Variants in DNMBP observed in about 807,000 individuals in gnomAD.
DNMBP encodes dynamin binding protein, also known as dynamin-binding protein.
DNMBP carries 87 observed loss-of-function variants against 150.0 expected under a neutral mutation model. The observed-to-expected ratio is 0.58, with a 90% CI of 0.49 to 0.69. DNMBP has a LOEUF of 0.69. Ranked by LOEUF, DNMBP falls within the 30% of genes least tolerant of loss-of-function variation. The pLI, the probability that DNMBP is intolerant of heterozygous loss-of-function variation, is 0.00. For missense variants in DNMBP, 1,774 were observed against 1,949.0 expected (o/e 0.91, Z 1.69); for synonymous variants, 711 against 750.4 (o/e 0.95, Z 0.86).
intron 11 of DNMBP, among the ~76,000 whole-genome samples, chr10:99,892,244 C>G (rs1441136767): frequency 4.9e-4 from 73 of 150,050 alleles, no homozygotes; most frequent in African/African-American, 1.7e-3. Flanking sequence ...GCCACCACCC[C>G]GTCTGGGAGG....
intron 4 of DNMBP, among the ~76,000 whole-genome samples, chr10:99,932,354 C>G (rs1223153868): frequency 6.6e-6 from 1 of 152,130 alleles, no homozygotes; most frequent in Non-Finnish European, 1.5e-5. Flanking sequence ...CGGATTCCCC[C>G]AGCATGTTTC....
At chr10:99,914,212 C>G (rs1292930217) in intron 4 of DNMBP, 15 of 884,160 alleles carry the variant, frequency 1.7e-5, no homozygotes, top group Non-Finnish European at 2.1e-5. Flanking sequence ...CCAGCAGTAC[C>G]TGGATCAACA....
In DNMBP at chr10:99,957,020, C is replaced by T; in HGVS notation, c.454G>A (p.Ala152Thr). The change falls in exon 4 of 17, where the codon GCC becomes ACC. Residue 152 changes from alanine (A) to threonine (T), a missense_variant. By Grantham distance (58) the Ala-to-Thr change is moderately conservative. Around this residue, in one of 2 missense-constraint regions of DNMBP, gnomAD observed 344 missense variants for 456.6 expected, o/e 0.75. Coordinates refer to ENST00000324109, the MANE Select transcript of DNMBP (RefSeq NM_015221.4). ...AGCTGAGCAGAAAGCCCCATTAGGG[C>T]CCGGGCTTGTCCCATGGAATATTCC... ...IPEYSMGQARALMGLSAQLDE... is the reference protein window; with the variant it reads ...IPEYSMGQARTLMGLSAQLDE... 6.2e-7 allele frequency: 1 copy of T among 1,614,212 alleles called. No homozygotes were observed. Among genetic ancestry groups the T allele is most frequent in the African/African-American group, 1.3e-5 (1 of 75,052 alleles).
chr10:99,948,993 T>TAAA (rs2040390677), intron 4 of DNMBP, among the ~76,000 whole-genome samples: 2 of 150,684 alleles, frequency 1.3e-5, no homozygotes, highest in Admixed American at 1.3e-4. Context: ...AATAAATAAA[T>TAAA]AAATAAATAA....
At chr10:99,986,950 C>G (rs2040834191) in intron 1 of DNMBP, among the ~76,000 whole-genome samples, 3 of 149,806 alleles carry the variant, frequency 2.0e-5, no homozygotes, top group Admixed American at 6.7e-5. Context: ...GTCAGGAGAT[C>G]GAGACCATCC....
At position 99,975,359 on chromosome 10, in the gene DNMBP, CAA is replaced by C. The variant is rs5787365; in HGVS notation, c.-10-3227_-10-3226del. Among the ~76,000 whole-genome samples, 939 of 139,534 alleles carry C rather than the reference CAA, an allele frequency of 6.7e-3. 11 individuals carry two copies. Among genetic ancestry groups the C allele is most frequent in the African/African-American group, 0.021 (826 of 38,706 alleles). The allele number at this position is 139,534 out of a possible 152,430, so 91.5% of individuals were successfully genotyped here. A position where few individuals can be genotyped will look rare whatever the true frequency, so the allele number is the denominator to read the frequency against. On this transcript the variant is annotated intron_variant, in intron 1 of 16. Coordinates refer to ENST00000324109, the MANE Select transcript of DNMBP (RefSeq NM_015221.4). ...GGGCAACAAGAGCAAAACTATGTCT[CAA>C]AAAAAAAAAAAATTATATCCAAGAA...
intron 3 of DNMBP, among the ~76,000 whole-genome samples, chr10:99,960,548 G>A (rs180695097): frequency 6.6e-6 from 1 of 152,296 alleles, no homozygotes; most frequent in African/African-American, 2.4e-5. Flanking sequence ...GCTCACGCCT[G>A]TAATCCCAGC....
chr10:99,899,797 G>GAT, intron 7 of DNMBP, 122 bp downstream of exon 7: 8 of 1,112,158 alleles, frequency 7.2e-6, no homozygotes, highest in Non-Finnish European at 8.2e-6. Flanking sequence ...CCACTTAAAT[G>GAT]ATATATATCA....
chr10:99,939,293 C>T (rs1477074417), intron 4 of DNMBP, among the ~76,000 whole-genome samples: 2 of 152,180 alleles, frequency 1.3e-5, no homozygotes, highest in African/African-American at 4.8e-5. Flanking sequence ...TTGCAAATAT[C>T]TCTCTTGGCT....
Position 99,955,574 on chromosome 10 carries a change from C to T in DNMBP, c.1900G>A (p.Ala634Thr). ...GAGGGTCGCACCACCAAGGGTGGTGCAGGTTTTAGGTTCTGGTCAACCAGC... is the reference window on the plus strand; with the variant it reads ...GAGGGTCGCACCACCAAGGGTGGTGTAGGTTTTAGGTTCTGGTCAACCAGC... ...HLLVDQNLKP[A>T]PPLVVRPSRP... The change falls in exon 4 of 17, where the codon GCA becomes ACA. Residue 634 changes from alanine (A) to threonine (T), a missense_variant. Ala to Thr is a moderately conservative substitution (Grantham distance 58). Around this residue, in one of 2 missense-constraint regions of DNMBP, gnomAD observed 1,430 missense variants for 1,492.5 expected, o/e 0.96. Transcript: ENST00000324109. The T allele has an allele frequency of 6.2e-7, 1 of 1,610,518 alleles. No individual in the cohort carries two copies.
chr10:99,991,629 G>A (rs565880423), intron 1 of DNMBP, among the ~76,000 whole-genome samples: 1 of 151,106 alleles, frequency 6.6e-6, no homozygotes, highest in African/African-American at 2.4e-5. Flanking sequence ...AAAACATTGT[G>A]CTAAGAAGCC....
chr10:100,001,199 C>A (rs1184872606), intron 1 of DNMBP, among the ~76,000 whole-genome samples: 2 of 124,594 alleles, frequency 1.6e-5, no homozygotes, highest in African/African-American at 3.0e-5. Context: ...CCACTGCACT[C>A]CAGCCTGGAG....
Position 99,884,014 on chromosome 10 carries a change from C to T in DNMBP, c.3994G>A (p.Gly1332Arg). 1 of 1,613,788 alleles carries T rather than the reference C, an allele frequency of 6.2e-7. No homozygotes were observed. The highest frequency in any genetic ancestry group is 8.5e-7 in the Non-Finnish European group (1 of 1,179,908). ...GSQNRWLIDN[G>R]VTKGFVYSSF... is the part of the protein sequence containing the mutation. ...CTCTGCTGCTTAAAATTCTTACCTC[C>T]ATTGTCAATCAGCCAGCGGTTCTGG... Residue 1332 changes from glycine to arginine, a missense_variant, in exon 15 of 17, where the codon GGA (glycine) becomes AGA (arginine). This residue lies in a region of DNMBP where 1,430 missense variants were observed against 1,492.5 expected (regional missense o/e 0.96). Coordinates refer to ENST00000324109, the MANE Select transcript of DNMBP (RefSeq NM_015221.4).
At chr10:99,946,586 C>G (rs2133313871) in intron 4 of DNMBP, among the ~76,000 whole-genome samples, 1 of 152,298 alleles carries the variant, frequency 6.6e-6, no homozygotes, top group East Asian at 1.9e-4. Context: ...ACTTCCATCT[C>G]TCACCATATA....
At chr10:99,929,461 C>T in intron 4 of DNMBP, 1 of 584,946 alleles carries the variant, frequency 1.7e-6, no homozygotes, top group African/African-American at 1.9e-5. Context: ...GTAATTAAAT[C>T]TCTAAGGTTG....
intron 4 of DNMBP, among the ~76,000 whole-genome samples, chr10:99,948,896 G>C (rs545529408): frequency 5.9e-5 from 9 of 151,942 alleles, no homozygotes; most frequent in African/African-American, 2.2e-4. Flanking sequence ...CCGGGAGGCA[G>C]AAGTTGCAGT....
chr10:99,895,845 A>G (rs139126617), intron 10 of DNMBP, among the ~76,000 whole-genome samples: 112 of 152,322 alleles, frequency 7.4e-4, no homozygotes, highest in African/African-American at 2.5e-3. Context: ...CTTAATATAT[A>G]TAGTATAGCA....
intron 4 of DNMBP, among the ~76,000 whole-genome samples, chr10:99,926,370 G>A (rs528311487): frequency 3.9e-5 from 6 of 152,098 alleles, no homozygotes; most frequent in South Asian, 2.1e-4. Context: ...CTATAGCCTC[G>A]ACCTGCCAGG....
chr10:99,956,441 C>T lies in DNMBP; in HGVS notation c.1033G>A (p.Glu345Lys), dbSNP rs1272942568. The T allele has an allele frequency of 2.5e-6, 4 of 1,613,974 alleles. No individual in the cohort carries two copies. In the African/African-American group the frequency reaches 5.3e-5, roughly 22 times the overall value. ...EEQRHETSDH[E>K]AEEPDCIISE... is the part of the protein sequence containing the mutation. ...ATAATGCAGTCAGGCTCCTCGGCCT[C>T]ATGGTCACTGGTTTCATGTCTTTGT... Residue 345 changes from glutamate to lysine, a missense_variant, in exon 4 of 17, where the codon GAG (glutamate) becomes AAG (lysine). Glu to Lys is a moderately conservative substitution (Grantham distance 56). Coordinates refer to ENST00000324109, the MANE Select transcript of DNMBP (RefSeq NM_015221.4).
Sources: allele counts gnomAD v4.1 joint callset (sites outside exome capture counted in the v4.1 genomes callset), GRCh38; gene constraint gnomAD v4.1.1; regional missense constraint gnomAD v4.1.1; transcripts MANE v1.5; gene names NCBI Gene and HGNC (gene_info 2026-07-23, HGNC 2026-07-21).